ACADS: variants seen among roughly 807,000 people sequenced by gnomAD.
The protein encoded by ACADS is acyl-CoA dehydrogenase short chain, also known as short-chain specific acyl-CoA dehydrogenase, mitochondrial.
In ACADS, 28 loss-of-function variants were observed where a neutral mutation model predicts 46.8. That is an observed-to-expected ratio of 0.60 (90% CI 0.44 to 0.82). The LOEUF is 0.82. ACADS is among the 40% of genes least tolerant of loss of function. The pLI, the probability that ACADS is intolerant of heterozygous loss-of-function variation, is 0.00. For missense variants in ACADS, 528 were observed against 578.0 expected (o/e 0.91, Z 0.89); for synonymous variants, 236 against 237.7 (o/e 0.99, Z 0.07).
chr12:120,738,986 G>T, intron 8 of ACADS, 71 bp downstream of exon 8: 1 of 1,598,030 alleles, frequency 6.3e-7, no homozygotes, highest in South Asian at 1.1e-5. Context: ...GTTGGGGCGG[G>T]TCTCTGCTCC....
chr12:120,727,067 C>T lies in ACADS; in HGVS notation c.88C>T (p.Gln30Ter). The change falls in exon 2 of 10, where the codon CAG becomes TAG. Residue 30 changes from glutamine (Q) to a stop codon, truncating the protein, a stop_gained. Coordinates refer to ENST00000242592, the MANE Select transcript of ACADS (RefSeq NM_000017.4). LOFTEE classifies it high-confidence loss of function. ...RAWRQLHTIY[Q>*]SVELPETHQM... ...CTGGCGGCAGTTACACACCATCTAC[C>T]AGTCTGTGGAACTGCCCGAGACACA... 6.2e-7 allele frequency: 1 copy of T among 1,614,176 alleles called. No individual in the cohort carries two copies. Among genetic ancestry groups the T allele is most frequent in the Middle Eastern group, 1.6e-4 (1 of 6,062 alleles).
At position 120,727,140 on chromosome 12, in the gene ACADS, T is replaced by C. The variant is rs749775207; in HGVS notation, c.161T>C (p.Phe54Ser). 14 of 1,613,998 alleles carry C rather than the reference T, an allele frequency of 8.7e-6. No individual in the cohort carries two copies. Among genetic ancestry groups the C allele is most frequent in the Admixed American group, 5.0e-5 (3 of 60,006 alleles). ...TCRDFAEKELFPIAAQVDKEH... is the reference protein window; with the variant it reads ...TCRDFAEKELSPIAAQVDKEH... ...CGGGACTTTGCCGAGAAGGAGTTGT[T>C]TCCCATTGCAGCCCAGGTGGATAAG... The change falls in exon 2 of 10, where the codon TTT (phenylalanine) becomes TCT (serine). Residue 54 changes from phenylalanine (F) to serine (S), a missense_variant. Transcript: ENST00000242592.
At chr12:120,733,933 G>A (rs963296157) in intron 2 of ACADS, among the ~76,000 whole-genome samples, 35 of 151,610 alleles carry the variant, frequency 2.3e-4, no homozygotes, top group East Asian at 5.8e-4. Flanking sequence ...TACTCAACCC[G>A]AGTCAGGCAT....
At chr12:120,727,599 C>G (rs551182104) in intron 2 of ACADS, among the ~76,000 whole-genome samples, 1 of 152,158 alleles carries the variant, frequency 6.6e-6, no homozygotes, top group African/African-American at 2.4e-5. Context: ...TGCAATGGTG[C>G]GACCTCGCCT....
intron 2 of ACADS, among the ~76,000 whole-genome samples, chr12:120,732,134 C>T (rs1883266034): frequency 6.6e-6 from 1 of 152,272 alleles, no homozygotes; most frequent in Admixed American, 6.5e-5. Context: ...ATGGCCTGTT[C>T]TCAATGAGCT....
chr12:120,733,163 A>G (rs900562722), intron 2 of ACADS, among the ~76,000 whole-genome samples: 1 of 152,288 alleles, frequency 6.6e-6, no homozygotes, highest in Non-Finnish European at 1.5e-5. Flanking sequence ...GTGAGCAGAG[A>G]TGGCGGCAGT....
At position 120,738,275 on chromosome 12, in the gene ACADS, T is replaced by C; in HGVS notation, c.625-5T>C. The C allele has an allele frequency of 1.2e-6, 2 of 1,614,110 alleles. No homozygotes were observed. The highest frequency in any genetic ancestry group is 1.7e-6 in the Non-Finnish European group (2 of 1,180,018). On this transcript the variant is annotated splice_region_variant and splice_polypyrimidine_tract_variant and intron_variant, in intron 5 of 9. Coordinates refer to ENST00000242592, the MANE Select transcript of ACADS (RefSeq NM_000017.4). ...TCTGAGAAAACCACCCGCCTCTCCT[T>C]TCAGGGCATCAGTGCCTTCCTGGTC...
chr12:120,725,869 G>A lies in ACADS; in HGVS notation c.-17G>A. ...CGCAGCGGGAGGTCGCGAAGCCTGG[G>A]ACTGTGTCTGTCGCCCATGGCCGCC... On this transcript the variant is annotated 5_prime_UTR_variant, in exon 1 of 10. Transcript: ENST00000242592. The A allele has an allele frequency of 6.5e-7, 1 of 1,546,556 alleles. No homozygotes were observed.
At chr12:120,738,189 G>T (rs765962588) in intron 5 of ACADS, 91 bp from the exon 6 acceptor site, 3 of 1,600,648 alleles carry the variant, frequency 1.9e-6, no homozygotes, top group South Asian at 2.2e-5. Flanking sequence ...TCTGAGGGAG[G>T]TGGGGAGGGG....
rs1401986871 is a variant in ACADS at position 120,728,995 on chromosome 12, C to T, written c.210+1806C>T. 1.3e-5 allele frequency among the ~76,000 whole-genome samples: 2 copies of T among 152,158 alleles called. No homozygotes were observed. Among genetic ancestry groups the T allele is most frequent in the Non-Finnish European group, 2.9e-5 (2 of 68,038 alleles). ...ACCACCAGGCTCAGCCTCATCAGTG[C>T]TGTTGCCTCTTCTCAGGGTGCAGGT... On this transcript the variant is annotated intron_variant, in intron 2 of 9. Coordinates refer to ENST00000242592, the MANE Select transcript of ACADS (RefSeq NM_000017.4). This position sits in a 1 kb window ranked among gnomAD's most constrained non-coding sequence, Gnocchi z 4.0.
At chr12:120,729,680 A>G (rs917875507) in intron 2 of ACADS, among the ~76,000 whole-genome samples, 1 of 151,652 alleles carries the variant, frequency 6.6e-6, no homozygotes, top group African/African-American at 2.4e-5. Flanking sequence ...GCACATTACC[A>G]TGGTTATTGC....
Position 120,725,924 on chromosome 12 carries a change from C to T in ACADS, c.39C>T (p.Ala13=), listed in dbSNP as rs1370106300. 3.9e-6 allele frequency: 6 copies of T among 1,553,662 alleles called. No individual in the cohort carries two copies. The highest frequency in any genetic ancestry group is 2.4e-5 in the East Asian group (1 of 41,794). ...AALLARASGP[A]RRALCPRAWR... ...TGCTCGCCCGGGCCTCGGGCCCTGC[C>T]CGCAGAGGTGAGTGCGCTGGGGATC... Residue 13 remains alanine (A), a synonymous_variant, in exon 1 of 10, where the codon GCC becomes GCT. Coordinates refer to ENST00000242592, the MANE Select transcript of ACADS (RefSeq NM_000017.4).
In ACADS at chr12:120,728,172, C is replaced by G. The variant is rs1324373603; in HGVS notation, c.210+983C>G. On this transcript the variant is annotated intron_variant, in intron 2 of 9. Transcript: ENST00000242592. The surrounding 1 kb of genome is among the most constrained non-coding windows in gnomAD (Gnocchi z 4.0). The stretch of plus-strand genomic sequence containing the variant: ...ATGTTGGGCAGGCTGGTCTCAAACT[C>G]CTGACCTTAGGCGATCTGCCCGCCT... Among the ~76,000 whole-genome samples the G allele has an allele frequency of 6.6e-6, 1 of 152,088 alleles. No individual in the cohort carries two copies. Among genetic ancestry groups the G allele is most frequent in the Non-Finnish European group, 1.5e-5 (1 of 68,026 alleles).
chr12:120,738,024 G>T, intron 5 of ACADS, 36 bp downstream of exon 5: 1 of 1,612,276 alleles, frequency 6.2e-7, no homozygotes. Context: ...GCCGGATCCT[G>T]GGCTGCTGTC....
rs539147109 is a variant in ACADS at position 120,728,413 on chromosome 12, A to G, written c.210+1224A>G. 2.6e-3 allele frequency among the ~76,000 whole-genome samples: 398 copies of G among 151,472 alleles called. 2 individuals are homozygous for G. The Middle Eastern group carries it at 0.045, about 17-fold the overall frequency. Reference sequence around the variant, plus strand: ...ACCTGGTGTAAACACTCAGTAGTAGATAGTTGTTTAATTAATGATTTGTGA... The same window carrying G: ...ACCTGGTGTAAACACTCAGTAGTAGGTAGTTGTTTAATTAATGATTTGTGA... On this transcript the variant is annotated intron_variant, in intron 2 of 9. Transcript: ENST00000242592. The surrounding 1 kb of genome is among the most constrained non-coding windows in gnomAD (Gnocchi z 4.0).
intron 3 of ACADS, 76 bp from the exon 4 acceptor site, chr12:120,737,279 GC>G: frequency 6.5e-7 from 1 of 1,536,622 alleles, no homozygotes; most frequent in Non-Finnish European, 8.9e-7. Flanking sequence ...GACAGAACAG[GC>G]CCTGAGGTGC....
intron 1 of ACADS, 44 bp downstream of exon 1, chr12:120,725,975 C>T (rs1169685871): frequency 6.7e-7 from 1 of 1,498,472 alleles, no homozygotes; most frequent in African/African-American, 1.5e-5. Context: ...CAGCCCGCGT[C>T]TGGCCCAGCG....
chr12:120,727,084 C>T lies in ACADS; in HGVS notation c.105C>T (p.Pro35=), dbSNP rs752764808. 5.0e-6 allele frequency: 8 copies of T among 1,613,818 alleles called. No homozygotes were observed. Among genetic ancestry groups the T allele is most frequent in the East Asian group, 2.2e-5 (1 of 44,834 alleles). The change falls in exon 2 of 10, where the codon CCC becomes CCT. Residue 35 remains proline (P), a synonymous_variant. Transcript: ENST00000242592. ...LHTIYQSVEL[P]ETHQMLLQTC... ...CCATCTACCAGTCTGTGGAACTGCC[C>T]GAGACACACCAGATGTTGCTCCAGA...
At chr12:120,733,729 G>C (rs1883346418) in intron 2 of ACADS, among the ~76,000 whole-genome samples, 1 of 151,812 alleles carries the variant, frequency 6.6e-6, no homozygotes, top group African/African-American at 2.4e-5. Flanking sequence ...TTGTCACTGT[G>C]GATGAGTTTC....
Sources: allele counts gnomAD v4.1 joint callset (sites outside exome capture counted in the v4.1 genomes callset), GRCh38; gene constraint gnomAD v4.1.1; non-coding constraint Gnocchi (gnomAD v3.1); transcripts MANE v1.5; gene names NCBI Gene and HGNC (gene_info 2026-07-23, HGNC 2026-07-21).